Variants in PELI3 observed in about 807,000 individuals in gnomAD.
The protein encoded by PELI3 is pellino E3 ubiquitin protein ligase family member 3.
In PELI3, 19 loss-of-function variants were observed where a neutral mutation model predicts 35.5. That is an observed-to-expected ratio of 0.54 (90% CI 0.37 to 0.79). The LOEUF is 0.79. Ranked by LOEUF, PELI3 falls within the 30% of genes least tolerant of loss-of-function variation. The pLI is 0.00. For synonymous variants in PELI3, 262 were observed against 279.2 expected (o/e 0.94, Z 0.62); for missense variants, 490 against 661.2 (o/e 0.74, Z 2.84).
rs1854798726 is a variant in PELI3, at chr11:66,473,653, G to A, written c.652-84G>A. On this transcript the variant is annotated intron_variant, in intron 6 of 7. Coordinates refer to ENST00000320740, the MANE Select transcript of PELI3 (RefSeq NM_145065.3). The surrounding 1 kb of genome is among the most constrained non-coding windows in gnomAD (Gnocchi z 5.8). ...TCCTCTCTGGGCCGCCTCTGAACTTGAAGGTAGCGGGGGCAGTGCCTCTGG... is the reference window on the plus strand; with the variant it reads ...TCCTCTCTGGGCCGCCTCTGAACTTAAAGGTAGCGGGGGCAGTGCCTCTGG... 1.3e-6 allele frequency: 2 copies of A among 1,552,734 alleles called. No individual in the cohort carries two copies. Among genetic ancestry groups the A allele is most frequent in the East Asian group, 4.5e-5 (2 of 44,442 alleles).
chr11:66,473,138 TGGTGACC>T lies in PELI3; in HGVS notation c.457-102_457-96del. On this transcript the variant is annotated intron_variant, in intron 5 of 7. Coordinates refer to ENST00000320740, the MANE Select transcript of PELI3 (RefSeq NM_145065.3). The surrounding 1 kb of genome is among the most constrained non-coding windows in gnomAD (Gnocchi z 5.8). ...TCCAGGGCCTGGCAGCCTCCTTTTT[TGGTGACC>T]TTGCATACAGAGCAGCTGCTGGTAC... 1.7e-6 allele frequency: 2 copies of T among 1,206,024 alleles called. No individual in the cohort carries two copies. The highest frequency in any genetic ancestry group is 2.5e-5 in the Admixed American group (1 of 39,732). The allele number at this position is 1,206,024 out of a possible 1,614,324, so 74.7% of individuals were successfully genotyped here.
rs759475468 is a variant in PELI3 at position 66,475,846 on chromosome 11, G to T, written c.1089G>T (p.Gly363=). 3.1e-6 allele frequency: 5 copies of T among 1,606,892 alleles called. 1 individual carries two copies. In the South Asian group the frequency reaches 4.4e-5, roughly 14 times the overall value. ...AGCCCTGGGTCTACGTCCGCTGCGG[G>T]CACGTCCATGGCTACCACGGCTGGG... ...KQQPWVYVRC[G]HVHGYHGWGC... Residue 363 remains glycine, a synonymous_variant, in exon 8 of 8, where the codon GGG becomes GGT. Coordinates refer to ENST00000320740, the MANE Select transcript of PELI3 (RefSeq NM_145065.3).
Position 66,468,106 on chromosome 11 carries a change from T to C in PELI3, c.-1-22T>C, listed in dbSNP as rs374067267. 49 of 1,579,132 alleles carry C rather than the reference T, an allele frequency of 3.1e-5. No individual in the cohort carries two copies. The African/African-American group carries it at 6.3e-4, about 20-fold the overall frequency. The stretch of plus-strand genomic sequence containing the variant: ...GCTGGGGTGGGAACCTACAAAGCTC[T>C]TTTCTCTCCCACTCTGCCCAGAATG... On this transcript the variant is annotated intron_variant, in intron 1 of 7. Transcript: ENST00000320740.
Position 66,475,882 on chromosome 11 carries a change from G to A in PELI3, c.1125G>A (p.Arg375=). The change falls in exon 8 of 8, where the codon CGG becomes CGA. Residue 375 remains arginine (R), a synonymous_variant. Coordinates refer to ENST00000320740, the MANE Select transcript of PELI3 (RefSeq NM_145065.3). ...VHGYHGWGCR[R]ERGPQERECP... ...GCTACCACGGCTGGGGCTGCCGGCG[G>A]GAGCGGGGCCCCCAGGAGCGCGAAT... 6.2e-7 allele frequency: 1 copy of A among 1,606,768 alleles called. No individual in the cohort carries two copies. Among genetic ancestry groups the A allele is most frequent in the Non-Finnish European group, 8.5e-7 (1 of 1,177,556 alleles).
In PELI3 at chr11:66,473,477, G is replaced by A; in HGVS notation, c.651+42G>A. On this transcript the variant is annotated intron_variant, in intron 6 of 7. Transcript: ENST00000320740. The surrounding 1 kb of genome is among the most constrained non-coding windows in gnomAD (Gnocchi z 5.8). ...AAGGGACCAACTCTTCATCTGTGAG[G>A]CAAGGGGTAGGCTTGGGAGGTGCAG... The A allele has an allele frequency of 1.3e-6, 2 of 1,568,212 alleles. No homozygotes were observed. The highest frequency in any genetic ancestry group is 1.7e-6 in the Non-Finnish European group (2 of 1,152,030).
intron 5 of PELI3, among the ~76,000 whole-genome samples, chr11:66,472,800 G>T (rs1854768787): frequency 6.6e-6 from 1 of 152,124 alleles, no homozygotes; most frequent in Admixed American, 6.5e-5. Context: ...CTGGGCCTTG[G>T]TTTACTCATC....
chr11:66,475,478 G>T, intron 7 of PELI3, 120 bp from the exon 8 acceptor site: 1 of 1,073,676 alleles, frequency 9.3e-7, no homozygotes, highest in Non-Finnish European at 1.4e-6. Context: ...AGCCTGCCTT[G>T]CTCCTCTGCC....
Position 66,476,457 on chromosome 11 carries a change from C to G in PELI3, c.*290C>G. On this transcript the variant is annotated 3_prime_UTR_variant, in exon 8 of 8. Coordinates refer to ENST00000320740, the MANE Select transcript of PELI3 (RefSeq NM_145065.3). ...CCTGGGGCATCCCACATCGTGCCGCCGACACTGTGTGCCCCTGGGGGAGTG... is the reference window on the plus strand; with the variant it reads ...CCTGGGGCATCCCACATCGTGCCGCGGACACTGTGTGCCCCTGGGGGAGTG... 4.3e-6 allele frequency: 2 copies of G among 468,224 alleles called. No individual in the cohort carries two copies. Among genetic ancestry groups the G allele is most frequent in the Non-Finnish European group, 7.7e-6 (2 of 261,356 alleles). The allele number at this position is 468,224 out of a possible 1,614,324, so 29.0% of individuals were successfully genotyped here.
At chr11:66,470,149 T>C (rs1854670274) in intron 3 of PELI3, among the ~76,000 whole-genome samples, 1 of 152,178 alleles carries the variant, frequency 6.6e-6, no homozygotes, top group Non-Finnish European at 1.5e-5. Flanking sequence ...CAAGTGGCCT[T>C]GTCTGTATTT....
chr11:66,473,891 G>A lies in PELI3; in HGVS notation c.806G>A (p.Arg269Gln), dbSNP rs757109216. The change falls in exon 7 of 8, where the codon CGG becomes CAG. Residue 269 changes from arginine to glutamine, a missense_variant. Transcript: ENST00000320740. The surrounding 1 kb of genome is among the most constrained non-coding windows in gnomAD (Gnocchi z 5.8). ...GTCTGTGGGAATGTGTACACATTGC[G>A]GGACAGCCGCTCAGCCCAGCAGCGG... Reference protein sequence around the residue: ...ISVCGNVYTLRDSRSAQQRGK... With the variant: ...ISVCGNVYTLQDSRSAQQRGK... The A allele has an allele frequency of 5.6e-6, 9 of 1,613,472 alleles. No individual in the cohort carries two copies. The highest frequency in any genetic ancestry group is 1.1e-5 in the South Asian group (1 of 91,086).
chr11:66,468,221 C>T lies in PELI3; in HGVS notation c.93C>T (p.Pro31=), dbSNP rs1338786560. 9.4e-6 allele frequency: 15 copies of T among 1,600,826 alleles called. No homozygotes were observed. Among genetic ancestry groups the T allele is most frequent in the African/African-American group, 5.4e-5 (4 of 74,294 alleles). The change falls in exon 2 of 8, where the codon CCC becomes CCT. Residue 31 remains proline (P), a synonymous_variant. Coordinates refer to ENST00000320740, the MANE Select transcript of PELI3 (RefSeq NM_145065.3). ...GNKGSCVLSS[P]GEDAQPGEEP... ...AGGGCTCTTGCGTTCTCTCCTCTCC[C>T]GGTGAAGATGCGCAGCCAGGCGAGG...
intron 3 of PELI3, among the ~76,000 whole-genome samples, chr11:66,470,246 G>T (rs1854672871): frequency 6.6e-6 from 1 of 152,098 alleles, no homozygotes; most frequent in Admixed American, 6.5e-5. Flanking sequence ...CTGGAGTTCA[G>T]AGCCCTCCCA....
Position 66,476,273 on chromosome 11 carries a change from A to G in PELI3, c.*106A>G. 8 of 1,218,452 alleles carry G rather than the reference A, an allele frequency of 6.6e-6. No homozygotes were observed. The highest frequency in any genetic ancestry group is 8.9e-6 in the Non-Finnish European group (8 of 894,578). The allele number at this position is 1,218,452 out of a possible 1,614,324, so 75.5% of individuals were successfully genotyped here. A position where few individuals can be genotyped will look rare whatever the true frequency, so the allele number is the denominator to read the frequency against. ...TGGGACACTCCCTGCTGGCACAGCC[A>G]CACCAGATGGACATGTTGGATGGGC... On this transcript the variant is annotated 3_prime_UTR_variant, in exon 8 of 8. Transcript: ENST00000320740.
chr11:66,476,457 C>T lies in PELI3; in HGVS notation c.*290C>T, dbSNP rs976403972. 2.8e-5 allele frequency: 13 copies of T among 468,106 alleles called. No individual in the cohort carries two copies. Among genetic ancestry groups the T allele is most frequent in the Admixed American group, 7.8e-5 (2 of 25,732 alleles). The allele number at this position is 468,106 out of a possible 1,614,324, so 29.0% of individuals were successfully genotyped here. A position where few individuals can be genotyped will look rare whatever the true frequency, so the allele number is the denominator to read the frequency against. ...CCTGGGGCATCCCACATCGTGCCGC[C>T]GACACTGTGTGCCCCTGGGGGAGTG... is the stretch of plus-strand genomic sequence containing the variant. On this transcript the variant is annotated 3_prime_UTR_variant, in exon 8 of 8. Transcript: ENST00000320740.
rs2134684368 is a variant in PELI3 at position 66,467,549 on chromosome 11, G to C, written c.-2+522G>C. Reference sequence around the variant, plus strand: ...AGGGGGAGGCCGAGATGGGGAGACTGAGGCAGATGGTGAGGCGGAGGCGGG... The same window carrying C: ...AGGGGGAGGCCGAGATGGGGAGACTCAGGCAGATGGTGAGGCGGAGGCGGG... On this transcript the variant is annotated intron_variant, in intron 1 of 7. Coordinates refer to ENST00000320740, the MANE Select transcript of PELI3 (RefSeq NM_145065.3). The surrounding 1 kb of genome is among the most constrained non-coding windows in gnomAD (Gnocchi z 4.2). The C allele has an allele frequency of 6.5e-6, 1 of 153,136 alleles. No homozygotes were observed. Among genetic ancestry groups the C allele is most frequent in the South Asian group, 2.0e-4 (1 of 4,922 alleles). The allele number at this position is 153,136 out of a possible 1,614,324, so 9.5% of individuals were successfully genotyped here.
chr11:66,468,182 G>A lies in PELI3; in HGVS notation c.54G>A (p.Gln18=). The A allele has an allele frequency of 1.2e-6, 2 of 1,608,274 alleles. No individual in the cohort carries two copies. The highest frequency in any genetic ancestry group is 1.7e-6 in the Non-Finnish European group (2 of 1,176,938). ...GGTCCCCCCGAACCTCAGACCTCCA[G>A]CACCGGGGGAACAAGGGCTCTTGCG... is the stretch of plus-strand genomic sequence containing the variant. ...EVGSPRTSDL[Q]HRGNKGSCVL... Residue 18 remains glutamine (Q), a synonymous_variant, in exon 2 of 8, where the codon CAG becomes CAA. Coordinates refer to ENST00000320740, the MANE Select transcript of PELI3 (RefSeq NM_145065.3).
At position 66,467,368 on chromosome 11, in the gene PELI3, ACGGGCTGCCTG is replaced by A. The variant is rs1340734809; in HGVS notation, c.-2+346_-2+356del. ...CCTCTGGCGCGGGGATGTTTTCCAA[ACGGGCTGCCTG>A]CGGGAGACGGCTGTGCTGCAGCCCG... On this transcript the variant is annotated intron_variant, in intron 1 of 7. Transcript: ENST00000320740. This position sits in a 1 kb window ranked among gnomAD's most constrained non-coding sequence, Gnocchi z 4.2. The A allele has an allele frequency of 6.6e-6, 1 of 151,928 alleles. No individual in the cohort carries two copies. The highest frequency in any genetic ancestry group is 1.5e-5 in the Non-Finnish European group (1 of 67,996). 9.4% of individuals were successfully genotyped at this position (151,928 alleles called of 1,614,324 possible).
At chr11:66,468,053 C>A in intron 1 of PELI3, 75 bp from the exon 2 acceptor site, 1 of 1,492,728 alleles carries the variant, frequency 6.7e-7, no homozygotes, top group Non-Finnish European at 9.0e-7. Flanking sequence ...GGCGGCCCTG[C>A]AGCAGGCTGC....
intron 4 of PELI3, 106 bp from the exon 5 acceptor site, chr11:66,472,263 C>T (rs941473514): frequency 6.4e-6 from 5 of 780,620 alleles, no homozygotes; most frequent in Non-Finnish European, 1.1e-5. Flanking sequence ...TGGAGCTGCC[C>T]CCTTCCCAGG....
Sources: allele counts gnomAD v4.1 joint callset (sites outside exome capture counted in the v4.1 genomes callset), GRCh38; gene constraint gnomAD v4.1.1; non-coding constraint Gnocchi (gnomAD v3.1); transcripts MANE v1.5; gene names NCBI Gene and HGNC (gene_info 2026-07-23, HGNC 2026-07-21).